IPO11: variants seen among roughly 807,000 people sequenced by gnomAD.
IPO11 encodes the protein importin-11.
In IPO11, 66 loss-of-function variants were observed where a neutral mutation model predicts 143.2. That is an observed-to-expected ratio of 0.46 (90% CI 0.38 to 0.57). IPO11 has a LOEUF of 0.57. Among genes scored for constraint, IPO11 ranks in the 20% least tolerant of loss-of-function variants. The pLI is 0.00. For missense variants in IPO11, 1,026 were observed against 1,141.0 expected (o/e 0.90, Z 1.45); for synonymous variants, 385 against 377.8 (o/e 1.02, Z -0.22).
chr5:62,513,834 A>G (rs1291359341), intron 19 of IPO11, among the ~76,000 whole-genome samples: 2 of 145,842 alleles, frequency 1.4e-5, no homozygotes, highest in African/African-American at 5.2e-5. Context: ...CACTTCTCAG[A>G]CGGGGCGGTT....
At chr5:62,490,273 A>G in intron 15 of IPO11, 53 bp downstream of exon 15, 2 of 1,198,878 alleles carry the variant, frequency 1.7e-6, no homozygotes, top group East Asian at 2.7e-5. Flanking sequence ...TATTTATTTT[A>G]TTAATGAAGA....
chr5:62,505,418 G>A (rs1175890656), intron 18 of IPO11, among the ~76,000 whole-genome samples: 2 of 152,040 alleles, frequency 1.3e-5, no homozygotes, highest in African/African-American at 4.8e-5. Context: ...TAACATTGGG[G>A]TGTTAATATT....
intron 1 of IPO11, among the ~76,000 whole-genome samples, chr5:62,419,451 G>A (rs991784974): frequency 1.3e-5 from 2 of 152,094 alleles, no homozygotes; most frequent in Non-Finnish European, 2.9e-5. Context: ...GTAGTTCTAC[G>A]TTGTTTAAAA....
chr5:62,562,578 G>A (rs1044237975), intron 27 of IPO11, among the ~76,000 whole-genome samples: 1 of 152,184 alleles, frequency 6.6e-6, no homozygotes, highest in Non-Finnish European at 1.5e-5. Flanking sequence ...AGGCAGTAAT[G>A]CTTGCTTGCC....
chr5:62,489,313 G>A lies in IPO11; in HGVS notation c.1321G>A (p.Val441Met), dbSNP rs764094563. The change falls in exon 14 of 30, where the codon GTG becomes ATG. Residue 441 changes from valine to methionine, a missense_variant. Around this residue, in one of 5 missense-constraint regions of IPO11, gnomAD observed 237 missense variants for 288.0 expected, o/e 0.82. Transcript: ENST00000325324. ...TATATATTTTTTAGGACCCACAAATGTGGAAGATATGAATGCACTGTTAAT... is the reference window on the plus strand; with the variant it reads ...TATATATTTTTTAGGACCCACAAATATGGAAGATATGAATGCACTGTTAAT... ...MMQTLQGPTN[V>M]EDMNALLIKD... 2 of 1,557,740 alleles carry A rather than the reference G, an allele frequency of 1.3e-6. No individual in the cohort carries two copies. The highest frequency in any genetic ancestry group is 1.8e-5 in the Admixed American group (1 of 55,522).
At chr5:62,442,552 C>G (rs1218885836) in intron 2 of IPO11, among the ~76,000 whole-genome samples, 2 of 152,102 alleles carry the variant, frequency 1.3e-5, no homozygotes, top group East Asian at 3.9e-4. Flanking sequence ...AGAATATAAA[C>G]AAATTTAATT....
chr5:62,437,145 G>A, intron 1 of IPO11, 129 bp from the exon 2 acceptor site: 1 of 594,470 alleles, frequency 1.7e-6, no homozygotes, highest in African/African-American at 1.9e-5. Flanking sequence ...AAGATAGAAA[G>A]GCAGAACATG....
chr5:62,435,116 A>ATATT (rs1554047190), intron 1 of IPO11, among the ~76,000 whole-genome samples: 1 of 52,134 alleles, frequency 1.9e-5, no homozygotes, highest in Non-Finnish European at 4.1e-5. Flanking sequence ...ATATGTATAT[A>ATATT]TGTATATATG....
At chr5:62,611,612 C>T (rs2112465738) in intron 29 of IPO11, among the ~76,000 whole-genome samples, 1 of 152,210 alleles carries the variant, frequency 6.6e-6, no homozygotes, top group Non-Finnish European at 1.5e-5. Context: ...CCCTTATTTA[C>T]TTGAATTGTT....
At chr5:62,505,035 T>G (rs1470263092) in intron 18 of IPO11, 137 bp downstream of exon 18, 1 of 465,858 alleles carries the variant, frequency 2.1e-6, no homozygotes, top group African/African-American at 2.0e-5. Flanking sequence ...TGGATTATTT[T>G]GGAGGACATA....
intron 24 of IPO11, among the ~76,000 whole-genome samples, chr5:62,539,137 G>A (rs1338993140): frequency 6.6e-6 from 1 of 152,052 alleles, no homozygotes; most frequent in African/African-American, 2.4e-5. Context: ...CACAACCTTG[G>A]TGGCTTAAAA....
At chr5:62,475,665 C>T (rs142157269) in intron 8 of IPO11, among the ~76,000 whole-genome samples, 206 of 152,310 alleles carry the variant, frequency 1.4e-3, no homozygotes, top group African/African-American at 4.6e-3. Flanking sequence ...AGACTCTTTT[C>T]GCTTTTAGTA....
Position 62,530,755 on chromosome 5 carries a change from C to A in IPO11, c.2059C>A (p.Arg687Ser). ...NSPCITPELL[R>S]IFQNMSPLLE... ...TCCATGTATTACACCAGAGTTGCTT[C>A]GTATATTTCAGAATATGTCACCACT... is the stretch of plus-strand genomic sequence containing the variant. The change falls in exon 22 of 30, where the codon CGT becomes AGT. Residue 687 changes from arginine to serine, a missense_variant. Physicochemically the swap from Arg to Ser is moderately radical, Grantham distance 110. This residue lies in a region of IPO11 where 351 missense variants were observed against 358.9 expected (regional missense o/e 0.98). Coordinates refer to ENST00000325324, the MANE Select transcript of IPO11 (RefSeq NM_016338.5). The A allele has an allele frequency of 1.9e-6, 3 of 1,612,762 alleles. No homozygotes were observed. The highest frequency in any genetic ancestry group is 2.5e-6 in the Non-Finnish European group (3 of 1,179,120).
intron 27 of IPO11, among the ~76,000 whole-genome samples, chr5:62,584,749 TG>T (rs1382519851): frequency 4.7e-5 from 7 of 148,474 alleles, no homozygotes; most frequent in African/African-American, 1.5e-4. Flanking sequence ...TTTTTGTTTT[TG>T]TTTTTTTTTT....
At chr5:62,438,858 G>T (rs173530) in intron 2 of IPO11, among the ~76,000 whole-genome samples, 13,733 of 151,924 alleles carry the variant, frequency 0.09, 667 homozygotes, top group East Asian at 0.14. Flanking sequence ...AGGAGATTGA[G>T]ACCATCCTGA....
chr5:62,617,748 T>C (rs937131506), intron 29 of IPO11, among the ~76,000 whole-genome samples: 3 of 152,202 alleles, frequency 2.0e-5, no homozygotes, highest in Admixed American at 2.0e-4. Context: ...GAAATGCTTT[T>C]ATAAAACATG....
chr5:62,438,103 G>C (rs1437524988), intron 2 of IPO11, among the ~76,000 whole-genome samples: 1 of 152,042 alleles, frequency 6.6e-6, no homozygotes. Context: ...TCCCCGTTGG[G>C]TTAAAAACTG....
chr5:62,593,756 T>C (rs1444936062), intron 28 of IPO11, among the ~76,000 whole-genome samples: 1 of 152,194 alleles, frequency 6.6e-6, no homozygotes, highest in African/African-American at 2.4e-5. Context: ...TTCTTTTTAT[T>C]CTGGGGTGGT....
chr5:62,596,013 C>G (rs1226192129), intron 28 of IPO11, among the ~76,000 whole-genome samples: 1 of 151,198 alleles, frequency 6.6e-6, no homozygotes, highest in African/African-American at 2.4e-5. Flanking sequence ...AATCCTAGCA[C>G]TTTAGGAGGC....
Sources: gnomAD v4.1 joint callset for allele counts (sites outside exome capture counted in the v4.1 genomes callset) on GRCh38, gnomAD v4.1.1 for gene constraint, gnomAD v4.1.1 regional missense constraint, MANE v1.5 for transcripts, NCBI Gene and HGNC (gene_info 2026-07-23, HGNC 2026-07-21) for gene names.